Variants in LAG3 observed in about 807,000 individuals in gnomAD.
LAG3 encodes lymphocyte activating 3.
A neutral mutation model predicts 49.0 loss-of-function variants in LAG3; 29 were observed. The observed-to-expected ratio is 0.59, with a 90% CI of 0.44 to 0.81. The LOEUF (loss-of-function observed/expected upper bound fraction) is 0.81. LAG3 is among the 30% of genes least tolerant of loss of function. LAG3 has a pLI of 0.00. For synonymous variants in LAG3, 320 were observed against 297.3 expected (o/e 1.08, Z -0.79); for missense variants, 693 against 695.2 (o/e 1.00, Z 0.04).
chr12:6,772,979 C>T, intron 1 of LAG3, 69 bp downstream of exon 1: 1 of 1,526,734 alleles, frequency 6.5e-7, no homozygotes, highest in South Asian at 1.1e-5. Context: ...ATCTCTGTGG[C>T]CACAAAGGTC....
intron 7 of LAG3, 45 bp from the exon 8 acceptor site, chr12:6,778,199 T>A: frequency 6.5e-7 from 1 of 1,529,862 alleles, no homozygotes; most frequent in Non-Finnish European, 8.9e-7. Flanking sequence ...CCTTCATCCT[T>A]CTCCTCCTTC....
intron 3 of LAG3, 85 bp from the exon 4 acceptor site, chr12:6,774,510 T>C: frequency 6.7e-7 from 1 of 1,483,038 alleles, no homozygotes; most frequent in Non-Finnish European, 9.1e-7. Flanking sequence ...AGGTGCCTGT[T>C]TCCAGGAGCT....
rs777597742 is a variant in LAG3 at position 6,773,270 on chromosome 12, C to T, written c.137C>T (p.Pro46Leu). The stretch of plus-strand genomic sequence containing the variant: ...GCTCCTGCCCAGCTCCCCTGCAGCC[C>T]CACAATCCCCCTCCAGGATCTCAGC... ...EGAPAQLPCSPTIPLQDLSLL... is the reference protein window; with the variant it reads ...EGAPAQLPCSLTIPLQDLSLL... Residue 46 changes from proline to leucine, a missense_variant, in exon 2 of 8, where the codon CCC becomes CTC. Transcript: ENST00000203629. The surrounding 1 kb of genome is among the most constrained non-coding windows in gnomAD (Gnocchi z 5.5). 1.2e-6 allele frequency: 2 copies of T among 1,613,534 alleles called. No homozygotes were observed. Among genetic ancestry groups the T allele is most frequent in the African/African-American group, 2.7e-5 (2 of 74,908 alleles).
intron 4 of LAG3, among the ~76,000 whole-genome samples, 178 bp downstream of exon 4, chr12:6,775,042 T>C (rs1311950905): frequency 6.6e-6 from 1 of 152,138 alleles, no homozygotes; most frequent in African/African-American, 2.4e-5. Context: ...CCATCACCCC[T>C]TCTTGCTTCT....
chr12:6,776,499 A>G, intron 5 of LAG3, among the ~76,000 whole-genome samples: 1 of 152,222 alleles, frequency 6.6e-6, no homozygotes, highest in Non-Finnish European at 1.5e-5. Flanking sequence ...ACAGCTGGGA[A>G]GTGCCAGACT....
At position 6,774,770 on chromosome 12, in the gene LAG3, C is replaced by T. The variant is rs1321340034; in HGVS notation, c.687C>T (p.Pro229=). ...HHLAESFLFL[P]QVSPMDSGPW... ...TAGCGGAAAGCTTCCTCTTCCTGCCCCAAGTCAGCCCCATGGACTCTGGGC... is the reference window on the plus strand; with the variant it reads ...TAGCGGAAAGCTTCCTCTTCCTGCCTCAAGTCAGCCCCATGGACTCTGGGC... The change falls in exon 4 of 8, where the codon CCC becomes CCT. Residue 229 remains proline, a synonymous_variant. Transcript: ENST00000203629. 4 of 1,614,056 alleles carry T rather than the reference C, an allele frequency of 2.5e-6. No individual in the cohort carries two copies. The African/African-American group carries it at 4.0e-5, about 16-fold the overall frequency.
chr12:6,774,069 A>G (rs1204386715), intron 3 of LAG3, 68 bp downstream of exon 3: 1 of 1,368,844 alleles, frequency 7.3e-7, no homozygotes, highest in Non-Finnish European at 9.4e-7. Context: ...CCCGGGACGC[A>G]GGAAGGGCTG....
In LAG3 at chr12:6,777,237, AAGATCTC is replaced by A. The variant is rs1348526542; in HGVS notation, c.1058-26_1058-20del. 6.2e-7 allele frequency: 1 copy of A among 1,613,566 alleles called. No homozygotes were observed. Among genetic ancestry groups the A allele is most frequent in the South Asian group, 1.1e-5 (1 of 91,066 alleles). On this transcript the variant is annotated intron_variant, in intron 5 of 7. Transcript: ENST00000203629. ...TCACGTAAGGGGGGCAGAATCCCAA[AAGATCTC>A]TTCCTTCTACTCTTTTCAGTGACTC...
Position 6,773,976 on chromosome 12 carries a change from C to T in LAG3, c.486C>T (p.Leu162=). Residue 162 remains leucine, a synonymous_variant, in exon 3 of 8, where the codon CTC becomes CTT. Coordinates refer to ENST00000203629, the MANE Select transcript of LAG3 (RefSeq NM_002286.6). The surrounding 1 kb of genome is among the most constrained non-coding windows in gnomAD (Gnocchi z 5.5). ...GGGACCGCGCCCTCTCCTGCCGCCT[C>T]CGTCTGCGCCTGGGCCAGGCCTCGA... ...HLRDRALSCR[L]RLRLGQASMT... The T allele has an allele frequency of 6.9e-7, 1 of 1,441,462 alleles. No homozygotes were observed. Among genetic ancestry groups the T allele is most frequent in the Non-Finnish European group, 9.0e-7 (1 of 1,105,916 alleles). 89.3% of individuals were successfully genotyped at this position (1,441,462 alleles called of 1,614,324 possible).
At position 6,774,630 on chromosome 12, in the gene LAG3, G is replaced by C; in HGVS notation, c.547G>C (p.Asp183His). 1 of 1,614,050 alleles carries C rather than the reference G, an allele frequency of 6.2e-7. No individual in the cohort carries two copies. The highest frequency in any genetic ancestry group is 8.5e-7 in the Non-Finnish European group (1 of 1,179,990). The change falls in exon 4 of 8, where the codon GAC becomes CAC. Residue 183 changes from aspartate (D) to histidine (H), a missense_variant. Transcript: ENST00000203629. ...CCCCCCAGGATCTCTCAGAGCCTCC[G>C]ACTGGGTCATTTTGAACTGCTCCTT... ...ASPPGSLRAS[D>H]WVILNCSFSR...
chr12:6,776,452 A>G (rs771919407), intron 5 of LAG3, among the ~76,000 whole-genome samples: 1 of 152,152 alleles, frequency 6.6e-6, no homozygotes, highest in Non-Finnish European at 1.5e-5. Flanking sequence ...AGACGGCTCA[A>G]TGAGAGAGAT....
chr12:6,778,309 A>G lies in LAG3; in HGVS notation c.1497A>G (p.Ile499Met), dbSNP rs763691056. ...GIHPPQAQSK[I>M]EELEQEPEPE... is the part of the protein sequence containing the mutation. ...ACCCTCCGCAGGCTCAGAGCAAGATAGAGGAGCTGGAGCAAGAACCGGAGC... is the reference window on the plus strand; with the variant it reads ...ACCCTCCGCAGGCTCAGAGCAAGATGGAGGAGCTGGAGCAAGAACCGGAGC... The change falls in exon 8 of 8, where the codon ATA becomes ATG. Residue 499 changes from isoleucine to methionine, a missense_variant. Coordinates refer to ENST00000203629, the MANE Select transcript of LAG3 (RefSeq NM_002286.6). 5 of 1,613,622 alleles carry G rather than the reference A, an allele frequency of 3.1e-6. No homozygotes were observed. In the South Asian group the frequency reaches 5.5e-5, roughly 18 times the overall value.
At position 6,772,634 on chromosome 12, in the gene LAG3, G is replaced by T; in HGVS notation, c.-219G>T. 2 of 483,200 alleles carry T rather than the reference G, an allele frequency of 4.1e-6. No homozygotes were observed. Among genetic ancestry groups the T allele is most frequent in the Non-Finnish European group, 7.3e-6 (2 of 272,350 alleles). 29.9% of individuals were successfully genotyped at this position (483,200 alleles called of 1,614,324 possible). A position where few individuals can be genotyped will look rare whatever the true frequency, so the allele number is the denominator to read the frequency against. Reference sequence around the variant, plus strand: ...CCGCCCCCACCTCCTCAGGCTGCCTGATCTGCCCAGCTTTCCAGCTTTCCT... The same window carrying T: ...CCGCCCCCACCTCCTCAGGCTGCCTTATCTGCCCAGCTTTCCAGCTTTCCT... On this transcript the variant is annotated 5_prime_UTR_variant, in exon 1 of 8. Transcript: ENST00000203629.
rs750960356 is a variant in LAG3 at position 6,777,358 on chromosome 12, T to C, written c.1152T>C (p.Ser384=). Residue 384 remains serine, a synonymous_variant, in exon 6 of 8, where the codon TCT becomes TCC. Coordinates refer to ENST00000203629, the MANE Select transcript of LAG3 (RefSeq NM_002286.6). ...GACAAGAACGCTTTGTGTGGAGCTC[T>C]CTGGACACCCCATCCCAGAGGAGTT... ...VSGQERFVWS[S]LDTPSQRSFS... 2.5e-6 allele frequency: 4 copies of C among 1,614,186 alleles called. No individual in the cohort carries two copies. In the South Asian group the frequency reaches 3.3e-5, roughly 13 times the overall value.
Position 6,773,234 on chromosome 12 carries a change from C to T in LAG3, c.101C>T (p.Ala34Val). ...GGGGCTGAGGTCCCGGTGGTGTGGG[C>T]CCAGGAGGGGGCTCCTGCCCAGCTC... is the stretch of plus-strand genomic sequence containing the variant. ...QPGAEVPVVW[A>V]QEGAPAQLPC... The change falls in exon 2 of 8, where the codon GCC becomes GTC. Residue 34 changes from alanine (A) to valine (V), a missense_variant. Physicochemically the swap from Ala to Val is moderately conservative, Grantham distance 64 (BLOSUM62 0). Coordinates refer to ENST00000203629, the MANE Select transcript of LAG3 (RefSeq NM_002286.6). This position sits in a 1 kb window ranked among gnomAD's most constrained non-coding sequence, Gnocchi z 5.5. 5 of 1,612,694 alleles carry T rather than the reference C, an allele frequency of 3.1e-6. No individual in the cohort carries two copies. Among genetic ancestry groups the T allele is most frequent in the Non-Finnish European group, 4.2e-6 (5 of 1,179,482 alleles).
In LAG3 at chr12:6,773,658, C is replaced by A. The variant is rs991312571; in HGVS notation, c.207-39C>A. ...TGCCTGCATCCTCCCGGGCTTCCTACCCCTGGAGCTTCTCAACTCCATTCT... is the reference window on the plus strand; with the variant it reads ...TGCCTGCATCCTCCCGGGCTTCCTAACCCTGGAGCTTCTCAACTCCATTCT... On this transcript the variant is annotated intron_variant, in intron 2 of 7. Transcript: ENST00000203629. This position sits in a 1 kb window ranked among gnomAD's most constrained non-coding sequence, Gnocchi z 5.5. 1.2e-5 allele frequency: 16 copies of A among 1,363,756 alleles called. No individual in the cohort carries two copies. Among genetic ancestry groups the A allele is most frequent in the Non-Finnish European group, 1.5e-5 (16 of 1,066,090 alleles). 84.5% of individuals were successfully genotyped at this position (1,363,756 alleles called of 1,614,324 possible). A position where few individuals can be genotyped will look rare whatever the true frequency, so the allele number is the denominator to read the frequency against.
At chr12:6,775,085 C>T (rs371897033) in intron 4 of LAG3, among the ~76,000 whole-genome samples, 188 bp from the exon 5 acceptor site, 1 of 152,162 alleles carries the variant, frequency 6.6e-6, no homozygotes, top group South Asian at 2.1e-4. Flanking sequence ...GCCGGCCTTC[C>T]CTCTCCTTCC....
At chr12:6,775,626 C>G in intron 5 of LAG3, 78 bp downstream of exon 5, 1 of 1,430,188 alleles carries the variant, frequency 7.0e-7, no homozygotes. Context: ...AGGGCAAAGA[C>G]TAGGCAAACC....
rs1314136119 is a variant in LAG3, at chr12:6,775,368, T to C, written c.877T>C (p.Phe293Leu). The change falls in exon 5 of 8, where the codon TTC (phenylalanine) becomes CTC (leucine). Residue 293 changes from phenylalanine (F) to leucine (L), a missense_variant. Transcript: ENST00000203629. Reference sequence around the variant, plus strand: ...GCCTGCTGGTGTGGGGACCCGGTCTTTCCTCACTGCCAAGTGGACTCCTCC... The same window carrying C: ...GCCTGCTGGTGTGGGGACCCGGTCTCTCCTCACTGCCAAGTGGACTCCTCC... The part of the protein sequence containing the change: ...RLPAGVGTRS[F>L]LTAKWTPPGG... 1.2e-6 allele frequency: 2 copies of C among 1,614,208 alleles called. No individual in the cohort carries two copies. Among genetic ancestry groups the C allele is most frequent in the Middle Eastern group, 1.6e-4 (1 of 6,062 alleles).
Sources: allele counts gnomAD v4.1 joint callset (sites outside exome capture counted in the v4.1 genomes callset), GRCh38; gene constraint gnomAD v4.1.1; non-coding constraint Gnocchi (gnomAD v3.1); transcripts MANE v1.5; gene names NCBI Gene and HGNC (gene_info 2026-07-23, HGNC 2026-07-21).